Variants in ZDHHC13 observed in about 807,000 individuals in gnomAD.
ZDHHC13 encodes the protein palmitoyltransferase ZDHHC13.
In ZDHHC13, 85 loss-of-function variants were observed where a neutral mutation model predicts 86.0. The ratio of observed to expected loss-of-function variants is 0.99; its 90% CI spans 0.83 to 1.18. The LOEUF is 1.18. Among genes scored for constraint, ZDHHC13 ranks in the 50% most tolerant of loss-of-function variants. The probability of loss-of-function intolerance (pLI) is 0.00; values close to 1 mark genes in which losing one functional copy is unlikely to be tolerated. For missense variants in ZDHHC13, 711 were observed against 730.2 expected (o/e 0.97, Z 0.30); for synonymous variants, 263 against 246.4 (o/e 1.07, Z -0.63).
chr11:19,147,772 T>TTCCCCC (rs1565030953), intron 4 of ZDHHC13, 99 bp downstream of exon 4: 3 of 385,314 alleles, frequency 7.8e-6, no homozygotes, highest in Non-Finnish European at 1.3e-5. Context: ...TGTCTTTTCT[T>TTCCCCC]CCCCCCCCCC....
At chr11:19,175,777 C>T in intron 16 of ZDHHC13, 45 bp from the exon 17 acceptor site, 2 of 1,596,164 alleles carry the variant, frequency 1.3e-6, no homozygotes, top group South Asian at 2.3e-5. Context: ...TCAAGCTACA[C>T]AGGAAATATA....
chr11:19,118,783 T>G (rs1041647269), intron 1 of ZDHHC13: 2 of 152,222 alleles, frequency 1.3e-5, no homozygotes, highest in African/African-American at 4.8e-5. Flanking sequence ...ACTTCCCCAT[T>G]TTTGATCCTC....
rs758339581 is a variant in ZDHHC13 at position 19,149,262 on chromosome 11, CAG to C, written c.451_452del (p.Ser151GlnfsTer55). On this transcript the variant is annotated frameshift_variant, in exon 5 of 17. Transcript: ENST00000446113. LOFTEE classifies it high-confidence loss of function. ...DPTLIDGEGF[S>X]SIHLAVLFQH... Reference sequence around the variant, plus strand: ...CCACTCTTATTGATGGAGAGGGATTCAGCAGCATCCACCTGGCAGTATTGTTT... The same window carrying C: ...CCACTCTTATTGATGGAGAGGGATTCCAGCATCCACCTGGCAGTATTGTTT... 2.5e-6 allele frequency: 4 copies of C among 1,606,158 alleles called. No homozygotes were observed. In the African/African-American group the frequency reaches 5.3e-5, roughly 21 times the overall value.
upstream of ZDHHC13, chr11:19,117,104 AC>A: frequency 1.2e-6 from 1 of 839,282 alleles, no homozygotes; most frequent in Admixed American, 2.3e-5. This position sits in a 1 kb window ranked among gnomAD's most constrained non-coding sequence, Gnocchi z 4.2. Flanking sequence ...GGACCGATTG[AC>A]GGCTCAGGGC....
chr11:19,123,978 G>A (rs542210203), intron 1 of ZDHHC13, among the ~76,000 whole-genome samples: 9 of 152,184 alleles, frequency 5.9e-5, no homozygotes, highest in African/African-American at 2.2e-4. Context: ...GAGAGTATTT[G>A]GTCAGAATCT....
intron 1 of ZDHHC13, among the ~76,000 whole-genome samples, chr11:19,140,185 C>A (rs1429986995): frequency 6.6e-6 from 1 of 151,040 alleles, no homozygotes; most frequent in Non-Finnish European, 1.5e-5. Context: ...GGGCTAATAT[C>A]CAGAATCTAC....
At chr11:19,151,514 G>A (rs1447639863) in intron 6 of ZDHHC13, among the ~76,000 whole-genome samples, 2 of 151,954 alleles carry the variant, frequency 1.3e-5, no homozygotes, top group Non-Finnish European at 2.9e-5. Flanking sequence ...TTATTAAAAA[G>A]CATTTTCTCT....
intron 13 of ZDHHC13, 69 bp from the exon 14 acceptor site, chr11:19,166,233 A>T: frequency 8.0e-7 from 1 of 1,255,366 alleles, no homozygotes; most frequent in Non-Finnish European, 1.1e-6. Context: ...GAAAGTGGTT[A>T]AGGAGGTCTT....
Position 19,165,110 on chromosome 11 carries a change from A to G in ZDHHC13, c.1355A>G (p.Tyr452Cys), listed in dbSNP as rs969164165. ...CHVCNCCVAR[Y>C]DQHCLWTGRC... The stretch of plus-strand genomic sequence containing the variant: ...GTATGCAACTGCTGTGTGGCTCGAT[A>G]TGATCAACACTGCCTGTGGACTGGA... Residue 452 changes from tyrosine to cysteine, a missense_variant, in exon 13 of 17, where the codon TAT becomes TGT. Coordinates refer to ENST00000446113, the MANE Select transcript of ZDHHC13 (RefSeq NM_019028.3). 1.2e-6 allele frequency: 2 copies of G among 1,612,854 alleles called. No homozygotes were observed. Among genetic ancestry groups the G allele is most frequent in the Non-Finnish European group, 8.5e-7 (1 of 1,179,446 alleles).
chr11:19,155,250 C>T (rs1468733431), intron 8 of ZDHHC13, among the ~76,000 whole-genome samples: 1 of 152,134 alleles, frequency 6.6e-6, no homozygotes, highest in Admixed American at 6.5e-5. Flanking sequence ...TAAAAGACCA[C>T]CATTTCTTGT....
chr11:19,147,862 A>G (rs1478154273), intron 4 of ZDHHC13, among the ~76,000 whole-genome samples, 189 bp downstream of exon 4: 1 of 146,058 alleles, frequency 6.8e-6, no homozygotes, highest in Non-Finnish European at 1.5e-5. Flanking sequence ...CTTCATTATG[A>G]TTATCCAACT....
chr11:19,133,982 T>G (rs932474212), intron 1 of ZDHHC13, among the ~76,000 whole-genome samples: 1 of 141,520 alleles, frequency 7.1e-6, no homozygotes, highest in African/African-American at 2.6e-5. Context: ...TTATAATAAA[T>G]CATAATATTT....
intron 13 of ZDHHC13, 129 bp downstream of exon 13, chr11:19,165,274 C>T (rs1466583331): frequency 7.6e-6 from 6 of 790,524 alleles, no homozygotes; most frequent in South Asian, 3.5e-5. Flanking sequence ...GCAATGGGCC[C>T]ATGCATCGTT....
intron 1 of ZDHHC13, among the ~76,000 whole-genome samples, chr11:19,138,501 C>A (rs1438441258): frequency 6.6e-6 from 1 of 151,880 alleles, no homozygotes; most frequent in Admixed American, 6.5e-5. Flanking sequence ...GGAACTGGTA[C>A]CATTCCTTCT....
chr11:19,138,934 A>G (rs1461423315), intron 1 of ZDHHC13, among the ~76,000 whole-genome samples: 3 of 151,418 alleles, frequency 2.0e-5, no homozygotes, highest in Non-Finnish European at 4.4e-5. Flanking sequence ...AGAGCTATCT[A>G]TGACAAACCC....
intron 1 of ZDHHC13, among the ~76,000 whole-genome samples, chr11:19,140,903 C>T (rs1331327793): frequency 2.7e-5 from 3 of 112,394 alleles, no homozygotes; most frequent in African/African-American, 3.6e-5. Context: ...ACATCATACT[C>T]TGGGGACTGT....
At chr11:19,161,487 T>G (rs1312301644) in intron 10 of ZDHHC13, among the ~76,000 whole-genome samples, 1 of 151,938 alleles carries the variant, frequency 6.6e-6, no homozygotes, top group Non-Finnish European at 1.5e-5. Context: ...GAAGGCTGCA[T>G]GTTTAAACTA....
chr11:19,172,659 T>C (rs1850254259), intron 15 of ZDHHC13, 64 bp from the exon 16 acceptor site: 10 of 1,307,600 alleles, frequency 7.6e-6, no homozygotes, highest in African/African-American at 4.5e-5. Context: ...ACTGATCTTA[T>C]ATTGTTTTAT....
intron 1 of ZDHHC13, among the ~76,000 whole-genome samples, chr11:19,134,408 G>A (rs974160354): frequency 4.6e-5 from 7 of 152,080 alleles, no homozygotes; most frequent in South Asian, 4.1e-4. Context: ...ACATGTACAC[G>A]TATGTTTATT....
Sources: gnomAD v4.1 joint callset for allele counts (sites outside exome capture counted in the v4.1 genomes callset) on GRCh38, gnomAD v4.1.1 for gene constraint, Gnocchi (gnomAD v3.1) non-coding constraint, MANE v1.5 for transcripts, NCBI Gene and HGNC (gene_info 2026-07-23, HGNC 2026-07-21) for gene names.